The following WDPCP variants were observed in gnomAD, a reference collection of about 807,000 sequenced individuals.
WDPCP encodes WD repeat-containing and planar cell polarity effector protein fritz homolog.
WDPCP carries 71 observed loss-of-function variants against 93.1 expected under a neutral mutation model. That is an observed-to-expected ratio of 0.76 (90% confidence interval 0.63 to 0.93). The LOEUF (loss-of-function observed/expected upper bound fraction) is 0.93, where lower values mean the gene tolerates loss of function less well. Ranked by LOEUF, WDPCP falls within the 40% of genes least tolerant of loss-of-function variation. The probability of loss-of-function intolerance (pLI) is 0.00; values close to 1 mark genes in which losing one functional copy is unlikely to be tolerated. For missense variants in WDPCP, 844 were observed against 887.4 expected, an observed-to-expected ratio of 0.95 and a Z score of 0.62; for synonymous variants, 315 against 315.0, an observed-to-expected ratio of 1.00 and a Z score of 0.00.
intron 12 of WDPCP, among the ~76,000 whole-genome samples, chr2:63,374,370 T>G (rs1304931466): frequency 6.6e-6 from 1 of 152,152 alleles, no homozygotes; most frequent in Non-Finnish European, 1.5e-5. Context: ...CAACCATGCT[T>G]TCAATAAATA....
At chr2:63,726,240 T>C (rs1359646187) in intron 2 of WDPCP, among the ~76,000 whole-genome samples, 2 of 152,160 alleles carry the variant, frequency 1.3e-5, no homozygotes, top group Non-Finnish European at 2.9e-5. Flanking sequence ...TGAAAGGAAG[T>C]GGTCCAGTTT....
chr2:63,663,113 T>G (rs1710246100), intron 2 of WDPCP, among the ~76,000 whole-genome samples: 1 of 152,236 alleles, frequency 6.6e-6, no homozygotes, highest in African/African-American at 2.4e-5. Flanking sequence ...GCTGCTTTTT[T>G]GGGCTTCTTT....
At chr2:63,344,506 G>C (rs2104487381) in intron 12 of WDPCP, among the ~76,000 whole-genome samples, 1 of 152,172 alleles carries the variant, frequency 6.6e-6, no homozygotes, top group South Asian at 2.1e-4. Flanking sequence ...TCCAGCTCTG[G>C]GCATGGTGTT....
chr2:63,552,948 A>T (rs1291499342), intron 1 of WDPCP, among the ~76,000 whole-genome samples: 3 of 152,250 alleles, frequency 2.0e-5, no homozygotes, highest in Non-Finnish European at 4.4e-5. Context: ...AGTGAAGTTA[A>T]GAAAAGTTAG....
intron 6 of WDPCP, among the ~76,000 whole-genome samples, chr2:63,475,867 T>G (rs1699944795): frequency 6.6e-6 from 1 of 150,882 alleles, no homozygotes; most frequent in African/African-American, 2.4e-5. Flanking sequence ...CATCTACTCC[T>G]TCTTGAGGGC....
At chr2:63,266,581 G>A (rs1682139442) in intron 13 of WDPCP, among the ~76,000 whole-genome samples, 1 of 152,208 alleles carries the variant, frequency 6.6e-6, no homozygotes, top group Non-Finnish European at 1.5e-5. Flanking sequence ...GCTGAGGCGG[G>A]TGGATCACGA....
intron 1 of WDPCP, among the ~76,000 whole-genome samples, chr2:63,563,723 C>T (rs1423250175): frequency 6.6e-6 from 1 of 151,944 alleles, no homozygotes; most frequent in Non-Finnish European, 1.5e-5. Flanking sequence ...TGCAAAAGGA[C>T]TGTGGCCTTA....
At chr2:63,285,870 T>C (rs1023601037) in intron 13 of WDPCP, among the ~76,000 whole-genome samples, 1 of 152,198 alleles carries the variant, frequency 6.6e-6, no homozygotes, top group South Asian at 2.1e-4. Flanking sequence ...TATAAAGACT[T>C]AAACTTCACT....
chr2:63,470,553 C>G (rs1225034863), intron 6 of WDPCP, among the ~76,000 whole-genome samples: 2 of 152,164 alleles, frequency 1.3e-5, no homozygotes, highest in African/African-American at 4.8e-5. Context: ...CCACTGCTAT[C>G]ATCCAGTCAA....
At chr2:63,545,553 C>T (rs1411520336) in intron 1 of WDPCP, among the ~76,000 whole-genome samples, 1 of 152,012 alleles carries the variant, frequency 6.6e-6, no homozygotes, top group Non-Finnish European at 1.5e-5. Context: ...TTCTTATCCA[C>T]CCTGTGATAA....
At chr2:63,205,592 T>G (rs1003023177) in intron 14 of WDPCP, among the ~76,000 whole-genome samples, 2 of 152,242 alleles carry the variant, frequency 1.3e-5, no homozygotes, top group Non-Finnish European at 2.9e-5. Context: ...GTGGCTATTA[T>G]AAATGGGATT....
At chr2:63,671,814 T>C (rs894396549) in intron 2 of WDPCP, among the ~76,000 whole-genome samples, 1 of 152,182 alleles carries the variant, frequency 6.6e-6, no homozygotes, top group African/African-American at 2.4e-5. Flanking sequence ...ATACTCGTTA[T>C]ATACAATGCA....
intron 1 of WDPCP, among the ~76,000 whole-genome samples, chr2:63,519,471 T>C (rs1702782796): frequency 6.6e-6 from 1 of 152,204 alleles, no homozygotes; most frequent in Admixed American, 6.5e-5. Context: ...CCACTGACAC[T>C]GCCCAAAGAG....
intron 12 of WDPCP, among the ~76,000 whole-genome samples, chr2:63,347,250 A>C (rs1689254114): frequency 6.6e-6 from 1 of 152,234 alleles, no homozygotes; most frequent in Admixed American, 6.5e-5. Flanking sequence ...GATGTTAAAT[A>C]AGAGTTGCCA....
intron 12 of WDPCP, among the ~76,000 whole-genome samples, chr2:63,331,615 A>G (rs768879214): frequency 2.0e-5 from 3 of 152,204 alleles, no homozygotes; most frequent in African/African-American, 7.2e-5. Context: ...TACAATCAAG[A>G]TAAGTATTTT....
At chr2:63,362,596 A>G (rs1690569420) in intron 12 of WDPCP, among the ~76,000 whole-genome samples, 1 of 152,088 alleles carries the variant, frequency 6.6e-6, no homozygotes, top group Non-Finnish European at 1.5e-5. Flanking sequence ...GATTTGAAAA[A>G]TGAGCTGGCT....
intron 1 of WDPCP, among the ~76,000 whole-genome samples, chr2:63,529,619 G>T (rs1306142037): frequency 6.6e-6 from 1 of 152,190 alleles, no homozygotes. Flanking sequence ...CGGTTTGCCA[G>T]TGTTTTATTG....
intron 9 of WDPCP, among the ~76,000 whole-genome samples, chr2:63,416,193 T>C (rs941867633): frequency 2.4e-5 from 3 of 125,958 alleles, no homozygotes; most frequent in African/African-American, 5.5e-5. Flanking sequence ...ATGAAATCTT[T>C]TTTTTCCTTT....
intron 6 of WDPCP, among the ~76,000 whole-genome samples, chr2:63,483,583 G>C (rs1255610450): frequency 6.6e-6 from 1 of 151,820 alleles, no homozygotes; most frequent in African/African-American, 2.4e-5. Flanking sequence ...TCAAATAGTA[G>C]ATTAAGATCT....
Sources: gnomAD v4.1 joint callset for allele counts (sites outside exome capture counted in the v4.1 genomes callset) on GRCh38, gnomAD v4.1.1 for gene constraint, MANE v1.5 for transcripts, NCBI Gene and HGNC (gene_info 2026-07-23, HGNC 2026-07-21) for gene names.